The following PTPRN2 variants were observed in gnomAD, a reference collection of about 807,000 sequenced individuals.
PTPRN2 encodes the protein protein tyrosine phosphatase receptor type N2, also known as receptor-type tyrosine-protein phosphatase N2.
Under a neutral mutation model 118.8 loss-of-function variants are expected in PTPRN2, and 74 were observed. That is an observed-to-expected ratio of 0.62 (90% confidence interval 0.52 to 0.76). The LOEUF (loss-of-function observed/expected upper bound fraction) is 0.76. PTPRN2 is among the 30% of genes least tolerant of loss of function. The pLI is 0.00. For synonymous variants in PTPRN2, 641 were observed against 608.0 expected, an observed-to-expected ratio of 1.05 and a Z score of -0.80; for missense variants, 1,481 against 1,394.4, an observed-to-expected ratio of 1.06 and a Z score of -0.99.
rs144160020 is a variant in PTPRN2, at chr7:158,326,329, G to A, written c.164-9397C>T. On this transcript the variant is annotated intron_variant, in intron 2 of 22. Transcript: ENST00000389418. ...GTGCCAGTTCTTCATCCGAGACATC[G>A]CTCAGGAGCCCTGCTCTGGCTCAGG... Among the ~76,000 whole-genome samples the A allele has an allele frequency of 1.7e-4, 26 of 152,338 alleles. No homozygotes were observed. The East Asian group carries it at 2.5e-3, about 15-fold the overall frequency.
intron 11 of PTPRN2, among the ~76,000 whole-genome samples, chr7:158,001,184 T>C: frequency 4.1e-5 from 1 of 24,528 alleles, no homozygotes. Flanking sequence ...TGGTGCAACG[T>C]GGGGCTGGGG....
chr7:157,555,837 C>T (rs879152362), intron 21 of PTPRN2, among the ~76,000 whole-genome samples: 11 of 152,158 alleles, frequency 7.2e-5, no homozygotes, highest in South Asian at 4.1e-4. Flanking sequence ...AAATACATGA[C>T]GAATGGTGAT....
intron 1 of PTPRN2, among the ~76,000 whole-genome samples, chr7:158,515,353 A>AT (rs1172720542): frequency 2.0e-5 from 3 of 151,834 alleles, no homozygotes; most frequent in African/African-American, 4.8e-5. Context: ...TGCCTGGCTA[A>AT]TTTTTTTATT....
intron 11 of PTPRN2, among the ~76,000 whole-genome samples, chr7:158,025,939 G>A (rs1024430366): frequency 6.6e-5 from 10 of 152,218 alleles, no homozygotes; most frequent in Non-Finnish European, 2.9e-5. Flanking sequence ...CTTTTGTAAT[G>A]GAGGTAGCAG....
intron 12 of PTPRN2, among the ~76,000 whole-genome samples, chr7:157,736,540 C>T (rs991964322): frequency 2.6e-5 from 4 of 152,044 alleles, no homozygotes; most frequent in East Asian, 3.9e-4. Flanking sequence ...CAGGAAGAAC[C>T]GCCCCCACCC....
intron 12 of PTPRN2, among the ~76,000 whole-genome samples, chr7:157,873,875 A>C (rs56905259): frequency 0.31 from 47,294 of 151,854 alleles, 8,933 homozygotes; most frequent in African/African-American, 0.53. Flanking sequence ...GGGATGGACG[A>C]CCAGCTGGGC....
chr7:157,964,239 C>T lies in PTPRN2; in HGVS notation c.1724-65502G>A, dbSNP rs1254713659. Among the ~76,000 whole-genome samples the T allele has an allele frequency of 5.3e-5, 8 of 152,034 alleles. No homozygotes were observed. Among genetic ancestry groups the T allele is most frequent in the Non-Finnish European group, 1.0e-4 (7 of 68,010 alleles). ...TGGAGCTCCCAGATGCTCCACACAC[C>T]CACGTCTACAGAAACACTAGGCCAG... On this transcript the variant is annotated intron_variant, in intron 11 of 22. Transcript: ENST00000389418. The surrounding 1 kb of genome is among the most constrained non-coding windows in gnomAD (Gnocchi z 9.0).
intron 2 of PTPRN2, among the ~76,000 whole-genome samples, chr7:158,381,738 A>G (rs977963310): frequency 6.6e-6 from 1 of 152,176 alleles, no homozygotes; most frequent in Non-Finnish European, 1.5e-5. Flanking sequence ...GACATACCCG[A>G]GACTGGGTAA....
chr7:158,079,152 C>T (rs1812606525), intron 11 of PTPRN2, among the ~76,000 whole-genome samples: 2 of 152,146 alleles, frequency 1.3e-5, no homozygotes, highest in African/African-American at 4.8e-5. Flanking sequence ...CAATCTGTTT[C>T]TTATATAGCA....
chr7:157,885,489 C>T (rs912950958), intron 12 of PTPRN2, among the ~76,000 whole-genome samples: 8 of 152,216 alleles, frequency 5.3e-5, no homozygotes, highest in Admixed American at 5.2e-4. Flanking sequence ...GATGCAGATG[C>T]ACCCGCCTGA....
At chr7:157,667,182 G>A (rs113219307) in intron 13 of PTPRN2, among the ~76,000 whole-genome samples, 7,456 of 85,630 alleles carry the variant, frequency 0.087, 1,142 homozygotes, top group Non-Finnish European at 0.12. Context: ...TCTCTGGTGT[G>A]TGCAATGAGT....
intron 12 of PTPRN2, among the ~76,000 whole-genome samples, chr7:157,695,981 C>G (rs1585254386): frequency 7.5e-6 from 1 of 132,986 alleles, no homozygotes; most frequent in Non-Finnish European, 1.6e-5. Context: ...TGGGTCTTGG[C>G]AGAGCCCTCA....
intron 12 of PTPRN2, among the ~76,000 whole-genome samples, chr7:157,703,639 G>A (rs1242974701): frequency 1.3e-5 from 2 of 152,156 alleles, no homozygotes; most frequent in Non-Finnish European, 2.9e-5. Context: ...CTTCTTCTCA[G>A]CCAGGCAGAG....
chr7:158,265,197 C>T (rs892888880), intron 3 of PTPRN2, among the ~76,000 whole-genome samples: 5 of 152,320 alleles, frequency 3.3e-5, no homozygotes, highest in Middle Eastern at 3.4e-3. Flanking sequence ...AGTGGCCTCC[C>T]ACTGACCTGG....
At chr7:157,848,509 T>C (rs112175720) in intron 12 of PTPRN2, among the ~76,000 whole-genome samples, 1,524 of 152,388 alleles carry the variant, frequency 0.01, 26 homozygotes, top group African/African-American at 0.035. Flanking sequence ...CACTCTGTCA[T>C]GTGTGCCCGA....
At chr7:158,019,105 TG>T (rs1179664455) in intron 11 of PTPRN2, among the ~76,000 whole-genome samples, 2 of 152,208 alleles carry the variant, frequency 1.3e-5, no homozygotes, top group Admixed American at 1.3e-4. Flanking sequence ...GTACTGGGTC[TG>T]GATCCCCCAC....
intron 2 of PTPRN2, among the ~76,000 whole-genome samples, chr7:158,341,593 C>T (rs373629223): frequency 3.3e-3 from 108 of 32,282 alleles, no homozygotes; most frequent in Middle Eastern, 0.021. Context: ...AGGTGACACC[C>T]GCAGACATCA....
chr7:157,568,506 C>A (rs1213247948), intron 21 of PTPRN2, among the ~76,000 whole-genome samples: 1 of 152,254 alleles, frequency 6.6e-6, no homozygotes. Flanking sequence ...ACACCAAATA[C>A]TGGAGCGGCA....
At chr7:157,602,041 G>T (rs1801698680) in intron 16 of PTPRN2, among the ~76,000 whole-genome samples, 1 of 152,196 alleles carries the variant, frequency 6.6e-6, no homozygotes, top group African/African-American at 2.4e-5. Context: ...TAGAATTGAT[G>T]ACAGAAAAAT....
Sources: gnomAD v4.1 joint callset for allele counts (sites outside exome capture counted in the v4.1 genomes callset) on GRCh38, gnomAD v4.1.1 for gene constraint, Gnocchi (gnomAD v3.1) non-coding constraint, MANE v1.5 for transcripts, NCBI Gene and HGNC (gene_info 2026-07-23, HGNC 2026-07-21) for gene names.